Variants in SESTD1 observed in about 807,000 individuals in gnomAD.
The protein encoded by SESTD1 is SEC14 and spectrin domain containing 1, also known as SEC14 domain and spectrin repeat-containing protein 1.
Under a neutral mutation model 101.7 loss-of-function variants are expected in SESTD1, and 43 were observed. The ratio of observed to expected loss-of-function variants is 0.42; its 90% CI spans 0.33 to 0.55. The LOEUF (loss-of-function observed/expected upper bound fraction) is 0.55, where lower values mean the gene tolerates loss of function less well. Ranked by LOEUF, SESTD1 falls within the 20% of genes least tolerant of loss-of-function variation. The probability of loss-of-function intolerance (pLI) is 0.07; values close to 1 mark genes in which losing one functional copy is unlikely to be tolerated. For missense variants in SESTD1, 647 were observed against 815.1 expected (o/e 0.79, Z 2.51); for synonymous variants, 283 against 286.8 (o/e 0.99, Z 0.13).
intron 3 of SESTD1, among the ~76,000 whole-genome samples, chr2:179,177,006 A>G (rs2105479620): frequency 6.6e-6 from 1 of 152,344 alleles, no homozygotes; most frequent in East Asian, 1.9e-4. Flanking sequence ...TTAATAAACC[A>G]CAATAATGGG....
At chr2:179,158,856 A>G (rs1236037577) in intron 5 of SESTD1, among the ~76,000 whole-genome samples, 1 of 152,232 alleles carries the variant, frequency 6.6e-6, no homozygotes, top group Non-Finnish European at 1.5e-5. Flanking sequence ...TAAATAACGT[A>G]TGTGGGGGAA....
intron 2 of SESTD1, among the ~76,000 whole-genome samples, chr2:179,186,434 C>A (rs1487971701): frequency 2.0e-5 from 3 of 152,008 alleles, no homozygotes; most frequent in African/African-American, 4.8e-5. Flanking sequence ...AGAGTGAAAA[C>A]AGAATAATGG....
chr2:179,260,240 T>C (rs1395667126), intron 1 of SESTD1, among the ~76,000 whole-genome samples: 1 of 152,168 alleles, frequency 6.6e-6, no homozygotes, highest in Non-Finnish European at 1.5e-5. Context: ...ATTTGACAAA[T>C]AAGAAAACGG....
chr2:179,146,041 A>G lies in SESTD1; in HGVS notation c.637+361T>C, dbSNP rs896349226. 9.9e-4 allele frequency among the ~76,000 whole-genome samples: 144 copies of G among 146,182 alleles called. 1 individual carries two copies. Among genetic ancestry groups the G allele is most frequent in the African/African-American group, 3.3e-3 (130 of 39,246 alleles). On this transcript the variant is annotated intron_variant, in intron 8 of 17. Coordinates refer to ENST00000428443, the MANE Select transcript of SESTD1 (RefSeq NM_178123.5). ...ACCCTGGGCCACAGAGCAGGAGGTGAGCGGCAGGCCAGCAAGCATTACTAC... is the reference window on the plus strand; with the variant it reads ...ACCCTGGGCCACAGAGCAGGAGGTGGGCGGCAGGCCAGCAAGCATTACTAC...
chr2:179,244,478 A>C (rs551346430), intron 1 of SESTD1, among the ~76,000 whole-genome samples: 67 of 144,954 alleles, frequency 4.6e-4, no homozygotes, highest in South Asian at 8.3e-4. Flanking sequence ...AAACCAACAA[A>C]AAAAAAAAAC....
In SESTD1 at chr2:179,220,810, C is replaced by T. The variant is rs184491276; in HGVS notation, c.-25-28944G>A. Among the ~76,000 whole-genome samples, 11 of 152,292 alleles carry T rather than the reference C, an allele frequency of 7.2e-5. No homozygotes were observed. In the East Asian group the frequency reaches 1.9e-3, roughly 27 times the overall value. On this transcript the variant is annotated intron_variant, in intron 1 of 17. Coordinates refer to ENST00000428443, the MANE Select transcript of SESTD1 (RefSeq NM_178123.5). ...CTCTGGGTCATTACAAAACCTCATT[C>T]TCTCCCAATCTTCCTCCTAGAAAGA...
chr2:179,260,105 G>A (rs2047461444), intron 1 of SESTD1, among the ~76,000 whole-genome samples: 1 of 152,128 alleles, frequency 6.6e-6, no homozygotes, highest in Admixed American at 6.5e-5. Context: ...ATTTACATTT[G>A]TATAGCATGT....
rs557122804 is a variant in SESTD1 at position 179,148,992 on chromosome 2, G to A, written c.581+305C>T. Among the ~76,000 whole-genome samples the A allele has an allele frequency of 2.0e-3, 298 of 146,978 alleles. 1 individual carries two copies. Among genetic ancestry groups the A allele is most frequent in the African/African-American group, 7.0e-3 (276 of 39,266 alleles). On this transcript the variant is annotated intron_variant, in intron 7 of 17. Transcript: ENST00000428443. Reference sequence around the variant, plus strand: ...GGAGAATGGCGGGAACCCAGGAGGCGGAGCTTGCAGTAAGCCGAGATAGCG... The same window carrying A: ...GGAGAATGGCGGGAACCCAGGAGGCAGAGCTTGCAGTAAGCCGAGATAGCG...
rs2154393391 is a variant in SESTD1 at position 179,104,650 on chromosome 2, T to G, written c.*5249A>C. 1 of 152,258 alleles carries G rather than the reference T, an allele frequency of 6.6e-6. No homozygotes were observed. Among genetic ancestry groups the G allele is most frequent in the South Asian group, 2.1e-4 (1 of 4,826 alleles). The allele number at this position is 152,258 out of a possible 1,614,324, so 9.4% of individuals were successfully genotyped here. On this transcript the variant is annotated 3_prime_UTR_variant, in exon 18 of 18. Transcript: ENST00000428443. ...ACTGGCTGGAGTTCAATAGCCCTTT[T>G]GTCAGAAAGTTTTCTACATGCCTAA...
Position 179,105,519 on chromosome 2 carries a change from A to T in SESTD1, c.*4380T>A, listed in dbSNP as rs1259758093. ...CTGATACACTAGTGAACTGGGGGTG[A>T]CGGTGAAGGGGTGGTGGAACTAAGG... On this transcript the variant is annotated 3_prime_UTR_variant, in exon 18 of 18. Coordinates refer to ENST00000428443, the MANE Select transcript of SESTD1 (RefSeq NM_178123.5). 2 of 151,996 alleles carry T rather than the reference A, an allele frequency of 1.3e-5. No homozygotes were observed. The highest frequency in any genetic ancestry group is 1.3e-4 in the Admixed American group (2 of 15,234). 9.4% of individuals were successfully genotyped at this position (151,996 alleles called of 1,614,324 possible). A position where few individuals can be genotyped will look rare whatever the true frequency, so the allele number is the denominator to read the frequency against.
Position 179,218,384 on chromosome 2 carries a change from C to T in SESTD1, c.-25-26518G>A, listed in dbSNP as rs569388328. ...TTCGTAACAAAAAAAATACACAGCA[C>T]TTCACTTATCCTATTTATATGGTCA... is the stretch of plus-strand genomic sequence containing the variant. On this transcript the variant is annotated intron_variant, in intron 1 of 17. Coordinates refer to ENST00000428443, the MANE Select transcript of SESTD1 (RefSeq NM_178123.5). 1.3e-3 allele frequency among the ~76,000 whole-genome samples: 193 copies of T among 152,100 alleles called. 1 individual carries two copies. Among genetic ancestry groups the T allele is most frequent in the Non-Finnish European group, 1.9e-3 (131 of 68,014 alleles).
intron 12 of SESTD1, among the ~76,000 whole-genome samples, chr2:179,122,427 T>C (rs1413192076): frequency 6.6e-6 from 1 of 152,100 alleles, no homozygotes; most frequent in Middle Eastern, 3.2e-3. Flanking sequence ...CTAGCTTCTA[T>C]ACCATAGGAA....
chr2:179,180,818 C>G (rs1253196209), intron 3 of SESTD1, among the ~76,000 whole-genome samples: 3 of 152,058 alleles, frequency 2.0e-5, no homozygotes, highest in Non-Finnish European at 4.4e-5. Context: ...ATGGAGAGAT[C>G]AAAAACACCT....
At chr2:179,217,790 C>T (rs372527318) in intron 1 of SESTD1, among the ~76,000 whole-genome samples, 3 of 152,148 alleles carry the variant, frequency 2.0e-5, no homozygotes, top group Non-Finnish European at 4.4e-5. Context: ...CCATGGAATA[C>T]TATGCAGCCA....
At chr2:179,215,935 C>T (rs1354427223) in intron 1 of SESTD1, among the ~76,000 whole-genome samples, 2 of 135,206 alleles carry the variant, frequency 1.5e-5, no homozygotes, top group East Asian at 4.0e-4. Context: ...CAATAAAATT[C>T]AGTAGCCCTT....
chr2:179,208,203 C>A (rs1236131280), intron 1 of SESTD1, among the ~76,000 whole-genome samples: 2 of 134,220 alleles, frequency 1.5e-5, no homozygotes, highest in African/African-American at 2.9e-5. Context: ...AATGAACAAG[C>A]CTCAAAGGAA....
intron 1 of SESTD1, among the ~76,000 whole-genome samples, chr2:179,194,375 T>A (rs1023170925): frequency 1.2e-4 from 18 of 152,302 alleles, no homozygotes; most frequent in African/African-American, 4.3e-4. Context: ...CCATGTTCCC[T>A]TCCTAATGTC....
chr2:179,120,798 CA>C (rs1445531309), intron 13 of SESTD1, among the ~76,000 whole-genome samples: 7 of 152,094 alleles, frequency 4.6e-5, no homozygotes, highest in African/African-American at 1.7e-4. Flanking sequence ...TAAACCTATC[CA>C]AATGACTTAG....
In SESTD1 at chr2:179,108,368, C is replaced by A. The variant is rs1299669566; in HGVS notation, c.*1531G>T. 1 of 152,110 alleles carries A rather than the reference C, an allele frequency of 6.6e-6. No individual in the cohort carries two copies. Among genetic ancestry groups the A allele is most frequent in the Non-Finnish European group, 1.5e-5 (1 of 68,036 alleles). The allele number at this position is 152,110 out of a possible 1,614,324, so 9.4% of individuals were successfully genotyped here. A position where few individuals can be genotyped will look rare whatever the true frequency, so the allele number is the denominator to read the frequency against. ...AGGTTGCTCAATGGTGTAAATGTTG[C>A]AGAGAAAAGGGTAAGGGATTCAGAC... On this transcript the variant is annotated 3_prime_UTR_variant, in exon 18 of 18. Coordinates refer to ENST00000428443, the MANE Select transcript of SESTD1 (RefSeq NM_178123.5).
Sources: gnomAD v4.1 joint callset for allele counts (sites outside exome capture counted in the v4.1 genomes callset) on GRCh38, gnomAD v4.1.1 for gene constraint, MANE v1.5 for transcripts, NCBI Gene and HGNC (gene_info 2026-07-23, HGNC 2026-07-21) for gene names.